Variants in FAM163B observed in about 807,000 individuals in gnomAD.
FAM163B encodes the protein protein FAM163B.
FAM163B carries 4 observed loss-of-function variants against 7.6 expected under a neutral mutation model. The ratio of observed to expected loss-of-function variants is 0.52; its 90% CI spans 0.26 to 1.20. The LOEUF (loss-of-function observed/expected upper bound fraction) is 1.20, where lower values mean the gene tolerates loss of function less well. FAM163B is among the 50% of genes most tolerant of loss of function. The pLI is 0.14. For synonymous variants in FAM163B, 120 were observed against 111.6 expected, an observed-to-expected ratio of 1.07 and a Z score of -0.47; for missense variants, 250 against 243.0, an observed-to-expected ratio of 1.03 and a Z score of -0.19.
chr9:133,591,734 G>A (rs569466948), intron 1 of FAM163B, among the ~76,000 whole-genome samples: 4 of 152,180 alleles, frequency 2.6e-5, no homozygotes, highest in Non-Finnish European at 5.9e-5. Context: ...CCACTGTCCC[G>A]AAGGATGGCC....
In FAM163B at chr9:133,579,096, C is replaced by T. The variant is rs760760094; in HGVS notation, c.427G>A (p.Ala143Thr). 5.6e-6 allele frequency: 9 copies of T among 1,599,186 alleles called. No homozygotes were observed. In the East Asian group the frequency reaches 1.8e-4, roughly 32 times the overall value. ...GCTGAGAGGCGGTTGGGGTTGAGCG[C>T]CTGCAGGCCCCCGAAGCCCCCCGGG... is the stretch of plus-strand genomic sequence containing the variant. ...LPPGGFGGLQALNPNRLSAMR... is the reference protein window; with the variant it reads ...LPPGGFGGLQTLNPNRLSAMR... Residue 143 changes from alanine to threonine, a missense_variant, in exon 3 of 3, where the codon GCG becomes ACG. By Grantham distance (58) the Ala-to-Thr change is moderately conservative. Coordinates refer to ENST00000673969, the MANE Select transcript of FAM163B (RefSeq NM_001080515.3).
chr9:133,601,691 A>T lies in FAM163B; in HGVS notation c.-24+7386T>A, dbSNP rs1321496207. On this transcript the variant is annotated intron_variant, in intron 1 of 2. Transcript: ENST00000673969. This position sits in a 1 kb window ranked among gnomAD's most constrained non-coding sequence, Gnocchi z 4.1. ...CTGGTTTTGAATGTTTTGAGTGAAG[A>T]CCCTGATGGGAAACCAGACGCCATC... Among the ~76,000 whole-genome samples, 1 of 152,112 alleles carries T rather than the reference A, an allele frequency of 6.6e-6. No homozygotes were observed. The highest frequency in any genetic ancestry group is 6.5e-5 in the Admixed American group (1 of 15,270).
At chr9:133,581,545 C>T (rs1328904507) in intron 1 of FAM163B, among the ~76,000 whole-genome samples, 3 of 152,138 alleles carry the variant, frequency 2.0e-5, no homozygotes, top group African/African-American at 7.2e-5. Context: ...CTCTGAAATG[C>T]CTTTTTTACG....
chr9:133,590,049 T>TCCCTTCCCTTC (rs1831514630), intron 1 of FAM163B, among the ~76,000 whole-genome samples: 1 of 35,728 alleles, frequency 2.8e-5, no homozygotes, highest in South Asian at 2.0e-3. Flanking sequence ...TCCCTTCCCT[T>TCCCTTCCCTTC]CCCTTCCCTT....
chr9:133,606,288 T>C lies in FAM163B; in HGVS notation c.-24+2789A>G, dbSNP rs895393278. ...TCCAGCAACCCCCAGCAAGCGGGGATTGGGCCAAGGCCTGCGGGAGGATTC... is the reference window on the plus strand; with the variant it reads ...TCCAGCAACCCCCAGCAAGCGGGGACTGGGCCAAGGCCTGCGGGAGGATTC... On this transcript the variant is annotated intron_variant, in intron 1 of 2. Transcript: ENST00000673969. This position sits in a 1 kb window ranked among gnomAD's most constrained non-coding sequence, Gnocchi z 4.0. Among the ~76,000 whole-genome samples, 7 of 152,138 alleles carry C rather than the reference T, an allele frequency of 4.6e-5. No individual in the cohort carries two copies. The highest frequency in any genetic ancestry group is 1.7e-4 in the African/African-American group (7 of 41,428).
rs760339559 is a variant in FAM163B, at chr9:133,579,261, G to C, written c.262C>G (p.Arg88Gly). 3.1e-6 allele frequency: 5 copies of C among 1,612,516 alleles called. No homozygotes were observed. Among genetic ancestry groups the C allele is most frequent in the Non-Finnish European group, 3.4e-6 (4 of 1,179,812 alleles). ...TSFSQKSPQA[R>G]ALCRSCSHCE... is the part of the protein sequence containing the mutation. ...TGGGAGCAGCTGCGGCAGAGGGCGC[G>C]GGCCTGCGGGGACTTCTGGCTGAAG... Residue 88 changes from arginine (R) to glycine (G), a missense_variant, in exon 3 of 3, where the codon CGC becomes GGC. Transcript: ENST00000673969.
At chr9:133,587,288 C>T (rs1588325072) in intron 1 of FAM163B, among the ~76,000 whole-genome samples, 3 of 152,116 alleles carry the variant, frequency 2.0e-5, no homozygotes, top group African/African-American at 7.2e-5. Context: ...GAAGGGGAGT[C>T]GAGGGGTGTT....
Position 133,597,842 on chromosome 9 carries a change from T to TA in FAM163B, c.-24+11234dup, listed in dbSNP as rs138073209. Among the ~76,000 whole-genome samples, 83 of 149,798 alleles carry TA rather than the reference T, an allele frequency of 5.5e-4. No homozygotes were observed. The South Asian group carries it at 7.5e-3, about 13-fold the overall frequency. ...CAATGGAGTGGTGCCTTTCGAGTGCTAAAAAAAAAGAAGGCCGTCAACCTG... is the reference window on the plus strand; with the variant it reads ...CAATGGAGTGGTGCCTTTCGAGTGCTAAAAAAAAAAGAAGGCCGTCAACCTG... On this transcript the variant is annotated intron_variant, in intron 1 of 2. Transcript: ENST00000673969.
intron 1 of FAM163B, among the ~76,000 whole-genome samples, chr9:133,589,956 C>T (rs1034298345): frequency 2.6e-5 from 4 of 152,074 alleles, no homozygotes; most frequent in African/African-American, 9.7e-5. Context: ...CAGCTGCCGA[C>T]GGGGCTGGCT....
At chr9:133,588,848 TGGTA>T (rs1047918629) in intron 1 of FAM163B, among the ~76,000 whole-genome samples, 5 of 151,680 alleles carry the variant, frequency 3.3e-5, no homozygotes, top group African/African-American at 1.2e-4. Flanking sequence ...GCCAAGTTGT[TGGTA>T]GAGGAGATGG....
At chr9:133,602,170 T>C (rs1364127742) in intron 1 of FAM163B, among the ~76,000 whole-genome samples, 1 of 148,394 alleles carries the variant, frequency 6.7e-6, no homozygotes, top group Admixed American at 6.7e-5. Flanking sequence ...ACCCGCCATA[T>C]AACAACAAGT....
At chr9:133,588,679 A>AGGGAT (rs1831487661) in intron 1 of FAM163B, among the ~76,000 whole-genome samples, 1 of 21,004 alleles carries the variant, frequency 4.8e-5, no homozygotes, top group Non-Finnish European at 1.1e-4. Context: ...GATCTAGCAT[A>AGGGAT]CTGAGAGATC....
Position 133,609,294 on chromosome 9 carries a change from A to C in FAM163B, c.-241T>G, listed in dbSNP as rs914630945. On this transcript the variant is annotated 5_prime_UTR_variant, in exon 1 of 3. Coordinates refer to ENST00000673969, the MANE Select transcript of FAM163B (RefSeq NM_001080515.3). ...GCGTGCCCAGGCGGGCACCCCTGCC[A>C]GCTCCGCGCTGCGGCCGCGACTCCG... 1.1e-4 allele frequency among the ~76,000 whole-genome samples: 16 copies of C among 150,046 alleles called. No homozygotes were observed. Among genetic ancestry groups the C allele is most frequent in the Middle Eastern group, 3.4e-3 (1 of 292 alleles).
At chr9:133,582,665 T>C (rs951128668) in intron 1 of FAM163B, among the ~76,000 whole-genome samples, 1 of 152,256 alleles carries the variant, frequency 6.6e-6, no homozygotes, top group African/African-American at 2.4e-5. Flanking sequence ...TGGCCACTTC[T>C]GAGCCCTCTG....
At chr9:133,580,083 C>A (rs991563052) in intron 2 of FAM163B, 48 bp downstream of exon 2, 2 of 1,537,638 alleles carry the variant, frequency 1.3e-6, no homozygotes, top group Admixed American at 1.7e-5. Context: ...GGTAGGGGCA[C>A]CCTCTGGGCC....
chr9:133,585,536 GC>G (rs1318618792), intron 1 of FAM163B, among the ~76,000 whole-genome samples: 32 of 152,352 alleles, frequency 2.1e-4, no homozygotes, highest in Admixed American at 2.1e-3. Flanking sequence ...GCTTCTGTCT[GC>G]CTCGTTCACC....
chr9:133,588,697 C>CTAGTGTGT (rs1588326121), intron 1 of FAM163B, among the ~76,000 whole-genome samples: 1 of 11,288 alleles, frequency 8.9e-5, no homozygotes, highest in Non-Finnish European at 2.2e-4. Context: ...ATCTAGCATG[C>CTAGTGTGT]TGAGGGATCT....
intron 1 of FAM163B, among the ~76,000 whole-genome samples, chr9:133,584,426 G>C (rs1396038332): frequency 2.6e-5 from 4 of 152,148 alleles, no homozygotes; most frequent in African/African-American, 7.2e-5. Context: ...CCCAACTCTG[G>C]GGGACTTGGA....
intron 1 of FAM163B, among the ~76,000 whole-genome samples, chr9:133,588,751 TCCCCAGAGAGGGGACCTTGCCCAGGGTCA>T (rs1831491542): frequency 1.5e-4 from 1 of 6,684 alleles, no homozygotes; most frequent in South Asian, 3.8e-3. Context: ...GTGGCTGTGC[TCCCCAGAGAGGGGACCTTGCCCAGGGTCA>T]CCGGGCACAT....
Sources: gnomAD v4.1 joint callset for allele counts (sites outside exome capture counted in the v4.1 genomes callset) on GRCh38, gnomAD v4.1.1 for gene constraint, Gnocchi (gnomAD v3.1) non-coding constraint, MANE v1.5 for transcripts, NCBI Gene and HGNC (gene_info 2026-07-23, HGNC 2026-07-21) for gene names.